CAMKMT: variants seen among roughly 807,000 people sequenced by gnomAD.
The protein encoded by CAMKMT is CaM KMT.
Under a neutral mutation model 48.0 loss-of-function variants are expected in CAMKMT, and 53 were observed. That is an observed-to-expected ratio of 1.10 (90% CI 0.89 to 1.39). The LOEUF (loss-of-function observed/expected upper bound fraction) is 1.39, where lower values mean the gene tolerates loss of function less well. Ranked by LOEUF, CAMKMT falls within the 40% of genes most tolerant of loss-of-function variation. The probability of loss-of-function intolerance (pLI) is 0.00; values close to 1 mark genes in which losing one functional copy is unlikely to be tolerated. For synonymous variants in CAMKMT, 165 were observed against 152.3 expected (o/e 1.08, Z -0.61); for missense variants, 428 against 402.7 (o/e 1.06, Z -0.54).
chr2:44,552,205 G>A (rs934681450), intron 3 of CAMKMT, among the ~76,000 whole-genome samples: 2 of 151,936 alleles, frequency 1.3e-5, no homozygotes, highest in African/African-American at 4.8e-5. Context: ...TTTAGCTCCC[G>A]TTTGTGAGTG....
At chr2:44,711,456 T>C (rs995047201) in intron 6 of CAMKMT, among the ~76,000 whole-genome samples, 7 of 152,162 alleles carry the variant, frequency 4.6e-5, no homozygotes, top group Non-Finnish European at 2.9e-5. Flanking sequence ...ACAGTATAAA[T>C]GTTCACATAA....
At chr2:44,540,872 C>T (rs1667070262) in intron 3 of CAMKMT, among the ~76,000 whole-genome samples, 1 of 152,206 alleles carries the variant, frequency 6.6e-6, no homozygotes, top group African/African-American at 2.4e-5. Flanking sequence ...ATCTGTGATC[C>T]ATTTGAAGTT....
intron 3 of CAMKMT, among the ~76,000 whole-genome samples, chr2:44,491,387 A>G (rs1052789549): frequency 3.9e-5 from 6 of 152,142 alleles, no homozygotes; most frequent in Non-Finnish European, 7.4e-5. Context: ...TTTAAATGCC[A>G]GTGGTAAAAT....
At chr2:44,619,507 A>G (rs147141280) in intron 3 of CAMKMT, among the ~76,000 whole-genome samples, 5 of 152,230 alleles carry the variant, frequency 3.3e-5, no homozygotes, top group South Asian at 2.1e-4. Context: ...ATGTGTGTGT[A>G]TATATAAATA....
intron 3 of CAMKMT, among the ~76,000 whole-genome samples, chr2:44,493,818 A>G (rs966056175): frequency 6.6e-6 from 1 of 152,316 alleles, no homozygotes; most frequent in African/African-American, 2.4e-5. Context: ...CTAAGTGCAT[A>G]TTTTTGAAGG....
At chr2:44,595,991 T>C (rs1192015503) in intron 3 of CAMKMT, among the ~76,000 whole-genome samples, 1 of 113,216 alleles carries the variant, frequency 8.8e-6, no homozygotes, top group Non-Finnish European at 1.8e-5. Context: ...TGATGGGAGG[T>C]GGGGGACTGG....
At chr2:44,497,591 G>T (rs1455029892) in intron 3 of CAMKMT, among the ~76,000 whole-genome samples, 1 of 151,916 alleles carries the variant, frequency 6.6e-6, no homozygotes, top group African/African-American at 2.4e-5. Context: ...GTTCTTTTGG[G>T]GGAATAAACC....
chr2:44,363,372 C>G (rs375702013), intron 1 of CAMKMT, among the ~76,000 whole-genome samples: 1 of 151,828 alleles, frequency 6.6e-6, no homozygotes, highest in African/African-American at 2.4e-5. Context: ...ACTCAACCCC[C>G]CTTCCCCCCT....
intron 3 of CAMKMT, among the ~76,000 whole-genome samples, chr2:44,665,067 T>A (rs1399358811): frequency 6.6e-6 from 1 of 152,162 alleles, no homozygotes; most frequent in African/African-American, 2.4e-5. Flanking sequence ...GAGGTTTTTT[T>A]GTTTGTTTGT....
At chr2:44,598,862 T>C (rs2103848974) in intron 3 of CAMKMT, among the ~76,000 whole-genome samples, 1 of 151,446 alleles carries the variant, frequency 6.6e-6, no homozygotes, top group South Asian at 2.1e-4. Flanking sequence ...AGGTGTTCAG[T>C]ACATATACCA....
At chr2:44,405,187 T>C (rs1003952950) in intron 3 of CAMKMT, among the ~76,000 whole-genome samples, 4 of 152,108 alleles carry the variant, frequency 2.6e-5, no homozygotes, top group Non-Finnish European at 5.9e-5. Context: ...GACCCAATAA[T>C]CCCACTTTTG....
intron 3 of CAMKMT, among the ~76,000 whole-genome samples, chr2:44,695,750 A>G (rs979587492): frequency 9.2e-5 from 14 of 152,132 alleles, no homozygotes; most frequent in African/African-American, 2.9e-4. Flanking sequence ...CTTAGCAGAT[A>G]TGAGAAAGCC....
chr2:44,527,411 A>G (rs1010664736), intron 3 of CAMKMT, among the ~76,000 whole-genome samples: 21 of 116,488 alleles, frequency 1.8e-4, no homozygotes, highest in African/African-American at 6.4e-4. Flanking sequence ...ATACGTATAT[A>G]TATTATATAT....
At chr2:44,486,572 A>G (rs1457039678) in intron 3 of CAMKMT, among the ~76,000 whole-genome samples, 4 of 152,336 alleles carry the variant, frequency 2.6e-5, no homozygotes, top group South Asian at 2.1e-4. Flanking sequence ...GAATGCCTCA[A>G]TGTTGCAAGG....
intron 2 of CAMKMT, among the ~76,000 whole-genome samples, chr2:44,379,832 C>G (rs1291133827): frequency 6.6e-6 from 1 of 150,952 alleles, no homozygotes; most frequent in Non-Finnish European, 1.5e-5. Flanking sequence ...ATTGAGCTGT[C>G]TCTTTTTATT....
chr2:44,485,302 C>T (rs188141667), intron 3 of CAMKMT, among the ~76,000 whole-genome samples: 9 of 152,192 alleles, frequency 5.9e-5, no homozygotes, highest in Middle Eastern at 3.4e-3. Flanking sequence ...AAATGCCCAT[C>T]AACATTAGAA....
chr2:44,589,391 C>T (rs1487238518), intron 3 of CAMKMT, among the ~76,000 whole-genome samples: 2 of 52,108 alleles, frequency 3.8e-5, no homozygotes, highest in East Asian at 3.1e-4. Flanking sequence ...GTGTGCCCAG[C>T]GGCTCATTGG....
chr2:44,399,198 A>C (rs532144218), intron 3 of CAMKMT, among the ~76,000 whole-genome samples: 10 of 152,148 alleles, frequency 6.6e-5, no homozygotes, highest in Non-Finnish European at 1.0e-4. Context: ...TGAAGATCAG[A>C]CTTCTGTATC....
chr2:44,520,369 G>A (rs972863502), intron 3 of CAMKMT, among the ~76,000 whole-genome samples: 1 of 152,018 alleles, frequency 6.6e-6, no homozygotes, highest in Admixed American at 6.6e-5. Context: ...CGCCTGCCGT[G>A]GACTCCCAAG....
Sources: gnomAD v4.1 joint callset for allele counts (sites outside exome capture counted in the v4.1 genomes callset) on GRCh38, gnomAD v4.1.1 for gene constraint, MANE v1.5 for transcripts, NCBI Gene and HGNC (gene_info 2026-07-23, HGNC 2026-07-21) for gene names.